The following DISC1 variants were observed in gnomAD, a reference collection of about 807,000 sequenced individuals.
DISC1 encodes disrupted in schizophrenia 1 protein.
A neutral mutation model predicts 84.5 loss-of-function variants in DISC1; 57 were observed. That is an observed-to-expected ratio of 0.67 (90% CI 0.55 to 0.84). The LOEUF (loss-of-function observed/expected upper bound fraction) is 0.84, where lower values mean the gene tolerates loss of function less well. Ranked by LOEUF, DISC1 falls within the 40% of genes least tolerant of loss-of-function variation. The pLI is 0.00. For synonymous variants in DISC1, 411 were observed against 415.2 expected, an observed-to-expected ratio of 0.99 and a Z score of 0.12; for missense variants, 1,000 against 1,057.8, an observed-to-expected ratio of 0.95 and a Z score of 0.76.
intron 10 of DISC1, among the ~76,000 whole-genome samples, chr1:231,981,788 T>C (rs1415395575): frequency 6.6e-6 from 1 of 152,144 alleles, no homozygotes; most frequent in Non-Finnish European, 1.5e-5. Context: ...GACTTGTTCA[T>C]GGGGCTGGGG....
intron 1 of DISC1, among the ~76,000 whole-genome samples, chr1:231,656,458 A>G (rs1183139149): frequency 1.3e-5 from 2 of 152,142 alleles, no homozygotes; most frequent in African/African-American, 2.4e-5. Context: ...CTACTTTTAT[A>G]CCAATACCAT....
chr1:231,644,910 T>C (rs761861144), intron 1 of DISC1, among the ~76,000 whole-genome samples: 1 of 151,996 alleles, frequency 6.6e-6, no homozygotes, highest in South Asian at 2.1e-4. Flanking sequence ...GTTTGTGCCC[T>C]AGGATCCTGT....
chr1:231,659,961 G>A (rs59368406), intron 1 of DISC1, among the ~76,000 whole-genome samples: 45 of 152,262 alleles, frequency 3.0e-4, no homozygotes, highest in African/African-American at 9.1e-4. Context: ...GTTTTGTGGT[G>A]GAGAATTCTG....
chr1:231,666,446 A>G (rs1472550299), intron 1 of DISC1, among the ~76,000 whole-genome samples: 2 of 152,202 alleles, frequency 1.3e-5, no homozygotes, highest in African/African-American at 4.8e-5. Flanking sequence ...TTAAAGGGCC[A>G]TGGGAACTTC....
chr1:231,785,253 G>T (rs200225252), intron 6 of DISC1, among the ~76,000 whole-genome samples: 29,627 of 106,420 alleles, frequency 0.28, 3,634 homozygotes, highest in Middle Eastern at 0.36. Flanking sequence ...GTGTGTGTGT[G>T]TTATTTTATT....
At chr1:231,653,396 GCC>G (rs1486125678) in intron 1 of DISC1, among the ~76,000 whole-genome samples, 4 of 152,202 alleles carry the variant, frequency 2.6e-5, no homozygotes, top group Non-Finnish European at 5.9e-5. Flanking sequence ...TTGCAAGGTT[GCC>G]CTGGCCCTTG....
intron 9 of DISC1, among the ~76,000 whole-genome samples, chr1:231,875,006 A>G (rs2085768984): frequency 6.6e-6 from 1 of 152,066 alleles, no homozygotes; most frequent in South Asian, 2.1e-4. Flanking sequence ...TAGGGTGGAG[A>G]CATCGTAAGC....
intron 9 of DISC1, among the ~76,000 whole-genome samples, chr1:231,888,594 C>T (rs1276373544): frequency 6.6e-6 from 1 of 151,770 alleles, no homozygotes; most frequent in African/African-American, 2.4e-5. Context: ...ACAAAATTAG[C>T]CGGGCATGGT....
chr1:231,967,367 G>A (rs1661267501), intron 10 of DISC1, among the ~76,000 whole-genome samples: 1 of 152,158 alleles, frequency 6.6e-6, no homozygotes, highest in Admixed American at 6.5e-5. Flanking sequence ...CTGGAGTGTG[G>A]GAAGAACATA....
At chr1:231,773,454 G>A (rs1335951648) in intron 6 of DISC1, among the ~76,000 whole-genome samples, 2 of 152,086 alleles carry the variant, frequency 1.3e-5, no homozygotes, top group African/African-American at 2.4e-5. Context: ...GTGCGATCTC[G>A]GCTCACTGCA....
At chr1:231,762,755 A>G (rs971572102) in intron 4 of DISC1, among the ~76,000 whole-genome samples, 2 of 151,982 alleles carry the variant, frequency 1.3e-5, no homozygotes, top group Non-Finnish European at 2.9e-5. Context: ...CTTCTTGAGG[A>G]TGGAGGCGTT....
At chr1:231,644,981 T>G (rs1388716257) in intron 1 of DISC1, among the ~76,000 whole-genome samples, 2 of 152,088 alleles carry the variant, frequency 1.3e-5, no homozygotes, top group African/African-American at 4.8e-5. Flanking sequence ...CGCAGTAGCC[T>G]TTAAATAGAT....
At chr1:231,989,687 G>A (rs779860094) in intron 10 of DISC1, among the ~76,000 whole-genome samples, 3 of 152,160 alleles carry the variant, frequency 2.0e-5, no homozygotes, top group Admixed American at 6.5e-5. Context: ...TGGGAAGATC[G>A]AGATGAGACA....
intron 9 of DISC1, among the ~76,000 whole-genome samples, chr1:231,874,160 T>C (rs1442631178): frequency 6.6e-6 from 1 of 151,888 alleles, no homozygotes; most frequent in African/African-American, 2.4e-5. Context: ...TTAAATAATC[T>C]TTTATTTTTT....
At chr1:231,693,116 AG>A (rs1245785486) in intron 1 of DISC1, among the ~76,000 whole-genome samples, 1 of 152,240 alleles carries the variant, frequency 6.6e-6, no homozygotes, top group East Asian at 1.9e-4. Context: ...AACTTGTGGA[AG>A]GTCACACAAC....
At chr1:231,842,205 G>A (rs1478572030) in intron 9 of DISC1, among the ~76,000 whole-genome samples, 3 of 152,084 alleles carry the variant, frequency 2.0e-5, no homozygotes, top group African/African-American at 7.2e-5. Context: ...ATCTCTCTCT[G>A]TTGCCCAGGC....
intron 3 of DISC1, among the ~76,000 whole-genome samples, chr1:231,749,598 T>C (rs1276906087): frequency 6.6e-6 from 1 of 152,224 alleles, no homozygotes; most frequent in Admixed American, 6.5e-5. Flanking sequence ...TTATAGTTTT[T>C]TTCCCCAAAA....
Position 231,694,619 on chromosome 1 carries a change from A to G in DISC1, c.861A>G (p.Pro287=). The part of the protein sequence containing the change: ...LAQAARNSSR[P]ERDMHSLPDM... ...AGGCCGCAAGGAACAGCTCCAGGCC[A>G]GAGCGTGACATGCATTCTTTACCAG... Residue 287 remains proline (P), a synonymous_variant, in exon 2 of 13, where the codon CCA becomes CCG. Transcript: ENST00000439617. The G allele has an allele frequency of 1.2e-6, 2 of 1,614,284 alleles. No homozygotes were observed. Among genetic ancestry groups the G allele is most frequent in the Non-Finnish European group, 1.7e-6 (2 of 1,180,054 alleles).
rs371435466 is a variant in DISC1 at position 231,675,956 on chromosome 1, C to T, written c.68-17870C>T. On this transcript the variant is annotated intron_variant, in intron 1 of 12. Transcript: ENST00000439617. This position sits in a 1 kb window ranked among gnomAD's most constrained non-coding sequence, Gnocchi z 4.1. Reference sequence around the variant, plus strand: ...CTCCGCCTCCCGGGTTCAAGCAATTCTCCTGCCTCAGCCTCCTGAGTAGCT... The same window carrying T: ...CTCCGCCTCCCGGGTTCAAGCAATTTTCCTGCCTCAGCCTCCTGAGTAGCT... Among the ~76,000 whole-genome samples, 2 of 151,216 alleles carry T rather than the reference C, an allele frequency of 1.3e-5. No individual in the cohort carries two copies. Among genetic ancestry groups the T allele is most frequent in the South Asian group, 4.2e-4 (2 of 4,772 alleles).
Sources: gnomAD v4.1 joint callset for allele counts (sites outside exome capture counted in the v4.1 genomes callset) on GRCh38, gnomAD v4.1.1 for gene constraint, Gnocchi (gnomAD v3.1) non-coding constraint, MANE v1.5 for transcripts, NCBI Gene and HGNC (gene_info 2026-07-23, HGNC 2026-07-21) for gene names.